The following BID variants were observed in gnomAD, a reference collection of about 807,000 sequenced individuals.
BID encodes BH3 interacting domain death agonist, also known as BH3-interacting domain death agonist.
Under a neutral mutation model 17.4 loss-of-function variants are expected in BID, and 19 were observed. That is an observed-to-expected ratio of 1.09 (90% confidence interval 0.76 to 1.60). The LOEUF is 1.60. Ranked by LOEUF, BID falls within the 40% of genes most tolerant of loss-of-function variation. The probability of loss-of-function intolerance (pLI) is 0.00; values close to 1 mark genes in which losing one functional copy is unlikely to be tolerated. For synonymous variants in BID, 108 were observed against 102.8 expected, an observed-to-expected ratio of 1.05 and a Z score of -0.31; for missense variants, 226 against 256.0, an observed-to-expected ratio of 0.88 and a Z score of 0.80.
intron 1 of BID, among the ~76,000 whole-genome samples, chr22:17,763,695 C>T (rs952826588): frequency 1.3e-5 from 2 of 149,990 alleles, no homozygotes; most frequent in Non-Finnish European, 3.0e-5. Context: ...TATGCTTCCT[C>T]AACATGAAAA....
chr22:17,744,232 C>G (rs559996997), intron 2 of BID, among the ~76,000 whole-genome samples: 1 of 152,110 alleles, frequency 6.6e-6, no homozygotes, highest in African/African-American at 2.4e-5. Flanking sequence ...GGGAGCGAGC[C>G]CCGACTCTGC....
chr22:17,744,149 C>A lies in BID; in HGVS notation c.13-136G>T, dbSNP rs557015605. 4.9e-5 allele frequency: 37 copies of A among 760,386 alleles called. No individual in the cohort carries two copies. In the African/African-American group the frequency reaches 6.3e-4, roughly 13 times the overall value. The allele number at this position is 760,386 out of a possible 1,614,324, so 47.1% of individuals were successfully genotyped here. On this transcript the variant is annotated intron_variant, in intron 2 of 5. Transcript: ENST00000622694. ...TGAGGGACCCTGTGGGCTGGAGGGC[C>A]CTGCAGGAGGTCTCAACAGGCAGAG...
chr22:17,760,452 A>C (rs1489303824), intron 1 of BID, among the ~76,000 whole-genome samples: 1 of 97,064 alleles, frequency 1.0e-5, no homozygotes, highest in East Asian at 2.3e-4. Context: ...ACTCTGTCTC[A>C]AAAAAAAAAA....
chr22:17,745,421 G>A (rs970086433), intron 2 of BID, among the ~76,000 whole-genome samples: 12 of 152,138 alleles, frequency 7.9e-5, no homozygotes, highest in African/African-American at 1.9e-4. Context: ...GGCACTCTGG[G>A]AGGCAGAGGC....
At position 17,751,568 on chromosome 22, in the gene BID, T is replaced by TAG. The variant is rs555314465; in HGVS notation, c.-58-1395_-58-1394insCT. On this transcript the variant is annotated intron_variant, in intron 1 of 5. Transcript: ENST00000622694. ...AGCATTGGCAATTTCACATGGTTCC[T>TAG]GAATACATAGGAAATAAAAAGCAAA... 3.2e-4 allele frequency among the ~76,000 whole-genome samples: 48 copies of TAG among 152,322 alleles called. 3 individuals carry two copies. The South Asian group carries it at 9.3e-3, about 30-fold the overall frequency.
chr22:17,740,231 C>G, intron 3 of BID: 2 of 1,490,530 alleles, frequency 1.3e-6, no homozygotes, highest in Non-Finnish European at 1.8e-6. Flanking sequence ...GTTTTGTCCA[C>G]TGACAAATAC....
chr22:17,752,218 C>T (rs568377023), intron 1 of BID, among the ~76,000 whole-genome samples: 1 of 152,332 alleles, frequency 6.6e-6, no homozygotes, highest in African/African-American at 2.4e-5. Context: ...AACGCCGTGT[C>T]TCATGCAGTG....
chr22:17,755,937 G>A (rs955901289), intron 1 of BID, among the ~76,000 whole-genome samples: 12 of 151,968 alleles, frequency 7.9e-5, no homozygotes, highest in Middle Eastern at 3.2e-3. Flanking sequence ...GCACGATCTC[G>A]GCTCACTGCA....
chr22:17,762,009 T>A (rs1446880085), intron 1 of BID, among the ~76,000 whole-genome samples: 1 of 152,012 alleles, frequency 6.6e-6, no homozygotes, highest in Non-Finnish European at 1.5e-5. Context: ...ATCTGTGAGG[T>A]TGAAAAGCTT....
chr22:17,736,728 C>G (rs2061422535), intron 5 of BID, among the ~76,000 whole-genome samples: 1 of 152,112 alleles, frequency 6.6e-6, no homozygotes, highest in South Asian at 2.1e-4. Context: ...GCAAAGAGAT[C>G]CTTCTGCCCC....
intron 3 of BID, chr22:17,740,638 A>T (rs1385106965): frequency 5.8e-6 from 1 of 171,718 alleles, no homozygotes; most frequent in African/African-American, 2.4e-5. Flanking sequence ...CATGTTGGTC[A>T]GGCTGGTCTC....
chr22:17,748,457 G>A (rs1338665556), intron 2 of BID, among the ~76,000 whole-genome samples: 1 of 151,850 alleles, frequency 6.6e-6, no homozygotes, highest in Non-Finnish European at 1.5e-5. Flanking sequence ...GCAGTGAGCG[G>A]AGATCGTGCC....
intron 1 of BID, among the ~76,000 whole-genome samples, chr22:17,758,242 G>A (rs111890643): frequency 1.3e-5 from 2 of 152,204 alleles, no homozygotes; most frequent in African/African-American, 4.8e-5. Context: ...CTTCCCAGGA[G>A]GCCGAGACCT....
intron 1 of BID, among the ~76,000 whole-genome samples, chr22:17,762,909 C>T (rs2061651151): frequency 6.6e-6 from 1 of 152,070 alleles, no homozygotes; most frequent in African/African-American, 2.4e-5. Context: ...CGGAGTCTCA[C>T]TCTGTCACCC....
At chr22:17,771,381 G>A (rs994594065) in intron 1 of BID, among the ~76,000 whole-genome samples, 4 of 152,150 alleles carry the variant, frequency 2.6e-5, no homozygotes, top group African/African-American at 9.7e-5. Context: ...TTACAGGCGT[G>A]AGCCACCGCG....
chr22:17,762,829 C>T (rs955132151), intron 1 of BID, among the ~76,000 whole-genome samples: 2 of 151,732 alleles, frequency 1.3e-5, no homozygotes, highest in African/African-American at 4.8e-5. Flanking sequence ...GATCTAGAGA[C>T]CAAAAAGTTT....
intron 1 of BID, among the ~76,000 whole-genome samples, chr22:17,763,393 G>A (rs553687809): frequency 6.6e-6 from 1 of 151,966 alleles, no homozygotes; most frequent in Non-Finnish European, 1.5e-5. Flanking sequence ...ACAGGTGACC[G>A]CCACCACACC....
rs1157210497 is a variant in BID at position 17,769,138 on chromosome 22, G to C, written c.-59+5243C>G. On this transcript the variant is annotated intron_variant, in intron 1 of 5. Coordinates refer to ENST00000622694, the MANE Select transcript of BID (RefSeq NM_001196.4). The surrounding 1 kb of genome is among the most constrained non-coding windows in gnomAD (Gnocchi z 4.8). ...CCCAGGCAGAGTCCAAGTCAGGGCA[G>C]AGCCTCACAGAGCACAGCAGGGCCT... is the stretch of plus-strand genomic sequence containing the variant. Among the ~76,000 whole-genome samples the C allele has an allele frequency of 3.3e-5, 5 of 152,386 alleles. No individual in the cohort carries two copies. Among genetic ancestry groups the C allele is most frequent in the Admixed American group, 3.3e-4 (5 of 15,312 alleles).
intron 1 of BID, among the ~76,000 whole-genome samples, chr22:17,770,335 C>G (rs2061710192): frequency 6.6e-6 from 1 of 152,220 alleles, no homozygotes; most frequent in African/African-American, 2.4e-5. Context: ...CACTCCCTGC[C>G]TTGTGGGATC....
Sources: gnomAD v4.1 joint callset for allele counts (sites outside exome capture counted in the v4.1 genomes callset) on GRCh38, gnomAD v4.1.1 for gene constraint, Gnocchi (gnomAD v3.1) non-coding constraint, MANE v1.5 for transcripts, NCBI Gene and HGNC (gene_info 2026-07-23, HGNC 2026-07-21) for gene names.